Variants in AGAP1 observed in about 807,000 individuals in gnomAD.
AGAP1 encodes the protein arf-GAP with GTPase, ANK repeat and PH domain-containing protein 1.
In AGAP1, 29 loss-of-function variants were observed where a neutral mutation model predicts 105.3. That is an observed-to-expected ratio of 0.28 (90% CI 0.21 to 0.38). The LOEUF is 0.38. Among genes scored for constraint, AGAP1 ranks in the 10% least tolerant of loss-of-function variants. The pLI, the probability that AGAP1 is intolerant of heterozygous loss-of-function variation, is 1.00. For synonymous variants in AGAP1, 509 were observed against 485.9 expected (o/e 1.05, Z -0.63); for missense variants, 998 against 1,165.1 (o/e 0.86, Z 2.09).
intron 10 of AGAP1, among the ~76,000 whole-genome samples, chr2:235,899,403 C>T (rs1190537168): frequency 6.6e-6 from 1 of 152,126 alleles, no homozygotes; most frequent in Non-Finnish European, 1.5e-5. Flanking sequence ...ATCCCAGCTA[C>T]TTGGGAGGCT....
In AGAP1 at chr2:235,789,430, G is replaced by A. The variant is rs537602047; in HGVS notation, c.674-8329G>A. Among the ~76,000 whole-genome samples, 116 of 152,120 alleles carry A rather than the reference G, an allele frequency of 7.6e-4. 1 individual carries two copies. Among genetic ancestry groups the A allele is most frequent in the Non-Finnish European group, 1.2e-3 (83 of 68,018 alleles). ...TTCCAGCAAATTAACAACCCTAATA[G>A]GTAATTGCGACATAAATGAAGATAA... On this transcript the variant is annotated intron_variant, in intron 6 of 17. Coordinates refer to ENST00000304032, the MANE Select transcript of AGAP1 (RefSeq NM_001037131.3). The surrounding 1 kb of genome is among the most constrained non-coding windows in gnomAD (Gnocchi z 4.2).
At position 236,114,380 on chromosome 2, in the gene AGAP1, C is replaced by T. The variant is rs1395964039; in HGVS notation, c.2115-5812C>T. Among the ~76,000 whole-genome samples, 1 of 152,222 alleles carries T rather than the reference C, an allele frequency of 6.6e-6. No individual in the cohort carries two copies. Among genetic ancestry groups the T allele is most frequent in the Non-Finnish European group, 1.5e-5 (1 of 68,054 alleles). ...CTCATCGAGAAGAAGCCATTGTCAG[C>T]GTGTCCCTTGGTCATATGTGACTTG... On this transcript the variant is annotated intron_variant, in intron 16 of 17. Coordinates refer to ENST00000304032, the MANE Select transcript of AGAP1 (RefSeq NM_001037131.3). The surrounding 1 kb of genome is among the most constrained non-coding windows in gnomAD (Gnocchi z 5.0).
At chr2:235,852,172 T>A (rs2048494237) in intron 9 of AGAP1, among the ~76,000 whole-genome samples, 1 of 152,146 alleles carries the variant, frequency 6.6e-6, no homozygotes, top group African/African-American at 2.4e-5. Flanking sequence ...CGTTTCTGAT[T>A]GGGAAGATTT....
Position 235,612,591 on chromosome 2 carries a change from C to G in AGAP1, c.164-96588C>G, listed in dbSNP as rs1407910427. 6.6e-6 allele frequency among the ~76,000 whole-genome samples: 1 copy of G among 152,216 alleles called. No individual in the cohort carries two copies. The highest frequency in any genetic ancestry group is 1.5e-5 in the Non-Finnish European group (1 of 68,042). Reference sequence around the variant, plus strand: ...CGTGACTGTGTGGGGGTCTCCCTGACTCCTTAGAACCTGCAAATGCATGAA... The same window carrying G: ...CGTGACTGTGTGGGGGTCTCCCTGAGTCCTTAGAACCTGCAAATGCATGAA... On this transcript the variant is annotated intron_variant, in intron 1 of 17. Coordinates refer to ENST00000304032, the MANE Select transcript of AGAP1 (RefSeq NM_001037131.3). This position sits in a 1 kb window ranked among gnomAD's most constrained non-coding sequence, Gnocchi z 4.3.
rs1430758577 is a variant in AGAP1 at position 235,851,795 on chromosome 2, G to T, written c.1051-31550G>T. Reference sequence around the variant, plus strand: ...AATCTGGGGGCTTTGGTAGCCTCCTGTTAGGAAAAGAAATAAAACCCAGTG... The same window carrying T: ...AATCTGGGGGCTTTGGTAGCCTCCTTTTAGGAAAAGAAATAAAACCCAGTG... On this transcript the variant is annotated intron_variant, in intron 9 of 17. Transcript: ENST00000304032. 2.6e-5 allele frequency among the ~76,000 whole-genome samples: 4 copies of T among 152,144 alleles called. No individual in the cohort carries two copies. The East Asian group carries it at 5.8e-4, about 22-fold the overall frequency.
chr2:235,523,967 C>T (rs1418698742), intron 1 of AGAP1, among the ~76,000 whole-genome samples: 3 of 151,586 alleles, frequency 2.0e-5, no homozygotes, highest in Admixed American at 2.0e-4. Context: ...GGGGCGGTGG[C>T]CTTGGGTTGA....
At chr2:235,630,373 G>A (rs901817908) in intron 1 of AGAP1, among the ~76,000 whole-genome samples, 24 of 152,106 alleles carry the variant, frequency 1.6e-4, no homozygotes, top group African/African-American at 5.6e-4. Flanking sequence ...ACCAAGCCCA[G>A]CTAATTTTTG....
chr2:235,628,342 C>T (rs1946710054), intron 1 of AGAP1, among the ~76,000 whole-genome samples: 1 of 152,172 alleles, frequency 6.6e-6, no homozygotes, highest in African/African-American at 2.4e-5. Flanking sequence ...TGACCACTGC[C>T]CTGTGCTTGT....
rs2055715138 is a variant in AGAP1, at chr2:235,994,717, A to G, written c.1645+26094A>G. On this transcript the variant is annotated intron_variant, in intron 13 of 17. Transcript: ENST00000304032. This position sits in a 1 kb window ranked among gnomAD's most constrained non-coding sequence, Gnocchi z 4.4. ...TTAGATTTCCACGTTACACAAACACACAAGCTTCTCAGGGGAAGAGCATGA... is the reference window on the plus strand; with the variant it reads ...TTAGATTTCCACGTTACACAAACACGCAAGCTTCTCAGGGGAAGAGCATGA... 6.6e-6 allele frequency among the ~76,000 whole-genome samples: 1 copy of G among 151,354 alleles called. No individual in the cohort carries two copies. The highest frequency in any genetic ancestry group is 2.4e-5 in the African/African-American group (1 of 41,216).
At chr2:235,658,205 C>CT (rs1947836144) in intron 1 of AGAP1, among the ~76,000 whole-genome samples, 1 of 152,164 alleles carries the variant, frequency 6.6e-6, no homozygotes, top group South Asian at 2.1e-4. Flanking sequence ...TTCCTTTACA[C>CT]TTTTGCAAAG....
At chr2:236,030,727 G>A (rs564451567) in intron 13 of AGAP1, among the ~76,000 whole-genome samples, 2 of 152,308 alleles carry the variant, frequency 1.3e-5, no homozygotes, top group East Asian at 3.9e-4. Context: ...TGGAGGGGAA[G>A]CCAGGCCCCA....
intron 1 of AGAP1, among the ~76,000 whole-genome samples, chr2:235,593,128 T>A (rs1019682655): frequency 1.1e-4 from 17 of 152,164 alleles, no homozygotes; most frequent in African/African-American, 4.1e-4. Context: ...TCCTTATTGA[T>A]ATCAGCCACC....
chr2:235,685,952 A>AG (rs1949360321), intron 1 of AGAP1, among the ~76,000 whole-genome samples: 1 of 152,112 alleles, frequency 6.6e-6, no homozygotes, highest in African/African-American at 2.4e-5. Flanking sequence ...CAAAGTGGGG[A>AG]GGGGGCTTCT....
rs1945702957 is a variant in AGAP1 at position 235,600,772 on chromosome 2, T to C, written c.163+105923T>C. ...AAATGATGCCCACCCAGATTGAGGG[T>C]GGGTCTGCCTTCCCCAGCCCGTTGA... On this transcript the variant is annotated intron_variant, in intron 1 of 17. Coordinates refer to ENST00000304032, the MANE Select transcript of AGAP1 (RefSeq NM_001037131.3). This position sits in a 1 kb window ranked among gnomAD's most constrained non-coding sequence, Gnocchi z 4.8. Among the ~76,000 whole-genome samples the C allele has an allele frequency of 6.6e-6, 1 of 152,282 alleles. No individual in the cohort carries two copies. Among genetic ancestry groups the C allele is most frequent in the South Asian group, 2.1e-4 (1 of 4,822 alleles).
At position 235,723,694 on chromosome 2, in the gene AGAP1, G is replaced by C. The variant is rs756212408; in HGVS notation, c.310+6050G>C. On this transcript the variant is annotated intron_variant, in intron 3 of 17. Coordinates refer to ENST00000304032, the MANE Select transcript of AGAP1 (RefSeq NM_001037131.3). This position sits in a 1 kb window ranked among gnomAD's most constrained non-coding sequence, Gnocchi z 6.2. ...CTGAGATCGTGGCACACCTGAGGAG[G>C]GCAGAAAGGTGGCCCCACAAGCTTC... Among the ~76,000 whole-genome samples the C allele has an allele frequency of 6.6e-5, 10 of 152,198 alleles. No individual in the cohort carries two copies. Among genetic ancestry groups the C allele is most frequent in the Non-Finnish European group, 1.3e-4 (9 of 68,044 alleles).
intron 12 of AGAP1, among the ~76,000 whole-genome samples, chr2:235,937,689 C>T (rs762652358): frequency 2.6e-5 from 4 of 152,174 alleles, no homozygotes; most frequent in African/African-American, 9.7e-5. Flanking sequence ...TCCAGGGGCT[C>T]GCAGCCAGGG....
intron 16 of AGAP1, among the ~76,000 whole-genome samples, chr2:236,091,790 C>G (rs2125872406): frequency 6.6e-6 from 1 of 152,256 alleles, no homozygotes; most frequent in African/African-American, 2.4e-5. Context: ...AATAATAAAA[C>G]TTAGGTTTAC....
intron 1 of AGAP1, chr2:235,670,444 G>A (rs781620340): frequency 3.6e-5 from 20 of 549,974 alleles, no homozygotes; most frequent in Middle Eastern, 4.2e-4. Flanking sequence ...CACGCGGCCT[G>A]GAACCCGCGG....
In AGAP1 at chr2:236,126,636, A is replaced by T. The variant is rs1022667851; in HGVS notation, c.*2514A>T. The T allele has an allele frequency of 6.6e-6, 1 of 152,112 alleles. No homozygotes were observed. Among genetic ancestry groups the T allele is most frequent in the Non-Finnish European group, 1.5e-5 (1 of 68,022 alleles). 9.4% of individuals were successfully genotyped at this position (152,112 alleles called of 1,614,324 possible). ...TTCCTGGCCCCCAGCACAAGCTGCC[A>T]TGACTCCCCCTCAGAAAACACAGCC... On this transcript the variant is annotated 3_prime_UTR_variant, in exon 18 of 18. Coordinates refer to ENST00000304032, the MANE Select transcript of AGAP1 (RefSeq NM_001037131.3).
Sources: allele counts gnomAD v4.1 joint callset (sites outside exome capture counted in the v4.1 genomes callset), GRCh38; gene constraint gnomAD v4.1.1; non-coding constraint Gnocchi (gnomAD v3.1); transcripts MANE v1.5; gene names NCBI Gene and HGNC (gene_info 2026-07-23, HGNC 2026-07-21).